Variants in CNTN4 observed in about 807,000 individuals in gnomAD.
CNTN4 encodes the protein contactin 4, also known as contactin-4.
CNTN4 carries 77 observed loss-of-function variants against 122.5 expected under a neutral mutation model. That is an observed-to-expected ratio of 0.63 (90% CI 0.52 to 0.76). The LOEUF (loss-of-function observed/expected upper bound fraction) is 0.76, where lower values mean the gene tolerates loss of function less well. CNTN4 is among the 30% of genes least tolerant of loss of function. The pLI, the probability that CNTN4 is intolerant of heterozygous loss-of-function variation, is 0.00. For synonymous variants in CNTN4, 512 were observed against 447.0 expected (o/e 1.15, Z -1.83); for missense variants, 1,256 against 1,259.1 (o/e 1.00, Z 0.04).
chr3:2,397,723 T>C (rs1241377584), intron 3 of CNTN4, among the ~76,000 whole-genome samples: 1 of 152,178 alleles, frequency 6.6e-6, no homozygotes, highest in Non-Finnish European at 1.5e-5. Context: ...GAGTTAGCTA[T>C]GCTAAAGTAA....
At chr3:2,788,380 A>G (rs190421428) in intron 6 of CNTN4, among the ~76,000 whole-genome samples, 1 of 152,330 alleles carries the variant, frequency 6.6e-6, no homozygotes, top group Admixed American at 6.5e-5. Context: ...AAACTGATGG[A>G]ATGTGTATTA....
intron 10 of CNTN4, among the ~76,000 whole-genome samples, chr3:2,892,682 A>G (rs2094056885): frequency 6.6e-6 from 1 of 152,204 alleles, no homozygotes; most frequent in Non-Finnish European, 1.5e-5. Flanking sequence ...CTGATATTTA[A>G]TATCTTTGTA....
At chr3:2,326,485 T>TACACACACACAC (rs10557917) in intron 2 of CNTN4, among the ~76,000 whole-genome samples, 10 of 126,096 alleles carry the variant, frequency 7.9e-5, no homozygotes, top group African/African-American at 1.9e-4. Context: ...CTAATAAATT[T>TACACACACACAC]ACACACACAC....
chr3:2,797,448 A>C (rs1349131240), intron 6 of CNTN4, among the ~76,000 whole-genome samples: 1 of 152,190 alleles, frequency 6.6e-6, no homozygotes, highest in Non-Finnish European at 1.5e-5. Flanking sequence ...AAATACAAAG[A>C]TTAGCCAGGT....
At chr3:2,188,845 G>A (rs1309264239) in intron 2 of CNTN4, among the ~76,000 whole-genome samples, 1 of 152,094 alleles carries the variant, frequency 6.6e-6, no homozygotes, top group Non-Finnish European at 1.5e-5. Context: ...ACTCTGTTGG[G>A]GAACAGCTAC....
At chr3:2,450,028 T>TA (rs1171989022) in intron 3 of CNTN4, among the ~76,000 whole-genome samples, 1 of 152,142 alleles carries the variant, frequency 6.6e-6, no homozygotes, top group African/African-American at 2.4e-5. Context: ...TTGTACAACA[T>TA]AGTGCTTATA....
At chr3:2,456,541 C>T (rs1362990326) in intron 3 of CNTN4, among the ~76,000 whole-genome samples, 6 of 152,112 alleles carry the variant, frequency 3.9e-5, no homozygotes, top group African/African-American at 1.4e-4. Flanking sequence ...CCACTTCCAA[C>T]CCTAGCAAAC....
At chr3:2,588,615 T>C (rs1001354757) in intron 4 of CNTN4, among the ~76,000 whole-genome samples, 1 of 152,042 alleles carries the variant, frequency 6.6e-6, no homozygotes, top group Non-Finnish European at 1.5e-5. Flanking sequence ...TCCACTCGCC[T>C]CGGCCTCCCA....
chr3:2,957,079 A>G (rs1425625712), intron 13 of CNTN4, among the ~76,000 whole-genome samples: 1 of 152,222 alleles, frequency 6.6e-6, no homozygotes, highest in Non-Finnish European at 1.5e-5. Flanking sequence ...GCTATTGTGA[A>G]TAATGCTCTG....
chr3:2,208,037 A>G (rs2038441977), intron 2 of CNTN4, among the ~76,000 whole-genome samples: 1 of 152,150 alleles, frequency 6.6e-6, no homozygotes. Flanking sequence ...CTTGCCTGTT[A>G]ACATAATATC....
At chr3:2,772,825 G>A (rs772226270) in intron 6 of CNTN4, among the ~76,000 whole-genome samples, 28 of 152,098 alleles carry the variant, frequency 1.8e-4, no homozygotes, top group Admixed American at 6.5e-5. Context: ...AGAGAGAAAA[G>A]CAAAGGCACC....
chr3:2,124,360 T>G (rs894721448), intron 2 of CNTN4, among the ~76,000 whole-genome samples: 4 of 151,956 alleles, frequency 2.6e-5, no homozygotes, highest in African/African-American at 9.7e-5. Flanking sequence ...ATTACTTTCT[T>G]GGCAGATAGA....
At chr3:2,850,236 C>A (rs181761084) in intron 7 of CNTN4, among the ~76,000 whole-genome samples, 91 of 152,284 alleles carry the variant, frequency 6.0e-4, no homozygotes, top group African/African-American at 2.1e-3. Flanking sequence ...CATCCACCCA[C>A]CTGAGTCTCC....
intron 3 of CNTN4, among the ~76,000 whole-genome samples, chr3:2,479,757 G>A (rs941509877): frequency 6.6e-6 from 1 of 152,108 alleles, no homozygotes; most frequent in African/African-American, 2.4e-5. Flanking sequence ...TCCATTCTTT[G>A]GATTTGGACG....
intron 6 of CNTN4, among the ~76,000 whole-genome samples, chr3:2,746,169 A>G (rs1338026343): frequency 2.0e-5 from 1 of 50,906 alleles, no homozygotes; most frequent in Non-Finnish European, 5.3e-5. Context: ...AGTAGAGTCA[A>G]TAAGAGAAAT....
chr3:2,573,453 G>T (rs1196400525), intron 4 of CNTN4, among the ~76,000 whole-genome samples: 1 of 152,062 alleles, frequency 6.6e-6, no homozygotes, highest in African/African-American at 2.4e-5. Flanking sequence ...CTGGGACCTT[G>T]ACCCTCCTAA....
intron 2 of CNTN4, among the ~76,000 whole-genome samples, chr3:2,337,813 T>C (rs1429990776): frequency 6.6e-6 from 1 of 152,102 alleles, no homozygotes; most frequent in African/African-American, 2.4e-5. Flanking sequence ...CAAAAAACTT[T>C]GACCGATGTC....
At chr3:2,943,874 G>A (rs2094644293) in intron 13 of CNTN4, among the ~76,000 whole-genome samples, 1 of 151,612 alleles carries the variant, frequency 6.6e-6, no homozygotes, top group Admixed American at 6.6e-5. Flanking sequence ...CACCCGCCAT[G>A]GCTGGTAATA....
At chr3:3,036,943 G>A (rs976898773) in intron 17 of CNTN4, among the ~76,000 whole-genome samples, 4 of 152,158 alleles carry the variant, frequency 2.6e-5, no homozygotes, top group African/African-American at 9.7e-5. Flanking sequence ...TGGACTGTGT[G>A]TCTTTTATGA....
Sources: gnomAD v4.1 joint callset for allele counts (sites outside exome capture counted in the v4.1 genomes callset) on GRCh38, gnomAD v4.1.1 for gene constraint, MANE v1.5 for transcripts, NCBI Gene and HGNC (gene_info 2026-07-23, HGNC 2026-07-21) for gene names.